Variants in TBC1D2B observed in about 807,000 individuals in gnomAD.
TBC1D2B encodes TBC1 domain family, member 2B.
In TBC1D2B, 64 loss-of-function variants were observed where a neutral mutation model predicts 100.8. The observed-to-expected ratio is 0.64, with a 90% CI of 0.52 to 0.78. The LOEUF (loss-of-function observed/expected upper bound fraction) is 0.78, where lower values mean the gene tolerates loss of function less well. Among genes scored for constraint, TBC1D2B ranks in the 30% least tolerant of loss-of-function variants. The probability of loss-of-function intolerance (pLI) is 0.00; values close to 1 mark genes in which losing one functional copy is unlikely to be tolerated. For missense variants in TBC1D2B, 1,052 were observed against 1,218.4 expected, an observed-to-expected ratio of 0.86 and a Z score of 2.03; for synonymous variants, 480 against 479.7, an observed-to-expected ratio of 1.00 and a Z score of -0.01.
At chr15:78,020,215 A>G (rs1269416586) in intron 6 of TBC1D2B, among the ~76,000 whole-genome samples, 2 of 152,176 alleles carry the variant, frequency 1.3e-5, no homozygotes, top group African/African-American at 4.8e-5. Flanking sequence ...TTAAGCAAAC[A>G]TATTACTAAA....
chr15:78,040,880 A>AAGAAAGAAAGAAAGAAAGAAAG (rs1275983230), intron 3 of TBC1D2B, among the ~76,000 whole-genome samples: 16 of 147,958 alleles, frequency 1.1e-4, no homozygotes, highest in Middle Eastern at 3.4e-3. Context: ...GAAAGAAAGA[A>AAGAAAGAAAGAAAGAAAGAAAG]AGAGAGAGAG....
At chr15:78,057,275 A>G (rs2073444991) in intron 1 of TBC1D2B, among the ~76,000 whole-genome samples, 2 of 152,142 alleles carry the variant, frequency 1.3e-5, no homozygotes, top group South Asian at 4.1e-4. Context: ...TTTGGTCAAT[A>G]AGATGGGCAA....
rs368713644 is a variant in TBC1D2B at position 78,030,997 on chromosome 15, A to C, written c.684-827T>G. Among the ~76,000 whole-genome samples the C allele has an allele frequency of 1.1e-4, 17 of 152,216 alleles. 1 individual carries two copies. Among genetic ancestry groups the C allele is most frequent in the East Asian group, 7.7e-4 (4 of 5,206 alleles). ...GTGAACAAAACACAGCAAGATTATT[A>C]TTCTTGTGGAATGTACATTTCAGCC... On this transcript the variant is annotated intron_variant, in intron 3 of 12. Coordinates refer to ENST00000300584, the MANE Select transcript of TBC1D2B (RefSeq NM_144572.2).
At chr15:78,039,513 C>A (rs937350514) in intron 3 of TBC1D2B, among the ~76,000 whole-genome samples, 1 of 152,114 alleles carries the variant, frequency 6.6e-6, no homozygotes, top group Non-Finnish European at 1.5e-5. Flanking sequence ...CACACCTTCC[C>A]GGCTAGCTCA....
chr15:77,999,316 G>A (rs1313918347), intron 12 of TBC1D2B: 14 of 455,004 alleles, frequency 3.1e-5, no homozygotes, highest in South Asian at 1.2e-4. Context: ...TGCTGCCGTC[G>A]GCTGCGTGGG....
chr15:78,043,285 C>A (rs537452654), intron 3 of TBC1D2B, among the ~76,000 whole-genome samples: 1 of 152,298 alleles, frequency 6.6e-6, no homozygotes, highest in Admixed American at 6.5e-5. Context: ...CCAGTGGGAC[C>A]CCTTATGGAG....
chr15:78,023,602 C>A (rs952962264), intron 6 of TBC1D2B, among the ~76,000 whole-genome samples: 3 of 152,190 alleles, frequency 2.0e-5, no homozygotes, highest in African/African-American at 7.2e-5. Flanking sequence ...GAGAAGGACA[C>A]GGGGAGGAAA....
intron 3 of TBC1D2B, among the ~76,000 whole-genome samples, chr15:78,038,626 C>CAA (rs2073004638): frequency 6.6e-6 from 1 of 152,206 alleles, no homozygotes; most frequent in African/African-American, 2.4e-5. Flanking sequence ...TGGGTCCCTG[C>CAA]AACAGGTGGA....
intron 10 of TBC1D2B, 153 bp from the exon 11 acceptor site, chr15:78,003,643 GACT>G: frequency 1.7e-6 from 1 of 600,012 alleles, no homozygotes; most frequent in Non-Finnish European, 3.0e-6. Context: ...CACGGAGCCA[GACT>G]ACTATGTTCC....
intron 10 of TBC1D2B, 151 bp downstream of exon 10, chr15:78,008,846 G>T: frequency 1.6e-6 from 1 of 621,424 alleles, no homozygotes; most frequent in Non-Finnish European, 2.9e-6. Context: ...ACTGGGGACA[G>T]CCTCTGAGAT....
At chr15:78,050,102 C>G (rs1325646996) in intron 2 of TBC1D2B, among the ~76,000 whole-genome samples, 1 of 152,194 alleles carries the variant, frequency 6.6e-6, no homozygotes, top group Non-Finnish European at 1.5e-5. Flanking sequence ...GGCCTGCATT[C>G]CACCTGATGG....
intron 8 of TBC1D2B, among the ~76,000 whole-genome samples, chr15:78,016,136 T>C (rs2072367274): frequency 6.6e-6 from 1 of 152,112 alleles, no homozygotes; most frequent in African/African-American, 2.4e-5. Context: ...CTTCCAGATT[T>C]AGTGCTTTCC....
rs771937793 is a variant in TBC1D2B at position 78,016,556 on chromosome 15, G to A, written c.1765C>T (p.His589Tyr). ...EQPEQAFVKPHLVSEYDIYGF... is the reference protein window; with the variant it reads ...EQPEQAFVKPYLVSEYDIYGF... ...CACTAGCACATTTACCTGACAAGAT[G>A]AGGTTTAACAAATGCTTGCTCCGGC... Residue 589 changes from histidine to tyrosine, a missense_variant, in exon 8 of 13, where the codon CAT becomes TAT. Physicochemically the swap from His to Tyr is moderately conservative, Grantham distance 83. This residue lies in a region of TBC1D2B where 373 missense variants were observed against 464.9 expected (regional missense o/e 0.80). Coordinates refer to ENST00000300584, the MANE Select transcript of TBC1D2B (RefSeq NM_144572.2). 1.2e-6 allele frequency: 2 copies of A among 1,612,262 alleles called. No homozygotes were observed. Among genetic ancestry groups the A allele is most frequent in the South Asian group, 1.1e-5 (1 of 90,804 alleles).
chr15:78,075,919 G>T (rs2073821422), intron 1 of TBC1D2B, among the ~76,000 whole-genome samples: 1 of 152,184 alleles, frequency 6.6e-6, no homozygotes. Flanking sequence ...CCAGGAGTTT[G>T]CCTAGTCTGC....
rs74595505 is a variant in TBC1D2B, at chr15:78,063,541, G to C, written c.361-9354C>G. Among the ~76,000 whole-genome samples the C allele has an allele frequency of 3.1e-3, 475 of 152,240 alleles. 5 individuals are homozygous for C. The highest frequency in any genetic ancestry group is 0.011 in the African/African-American group (450 of 41,536). ...ACAAATAAAACTATATCAGATGCTG[G>C]TCCCCACATCAGTAGAGAAGGTCCT... On this transcript the variant is annotated intron_variant, in intron 1 of 12. Coordinates refer to ENST00000300584, the MANE Select transcript of TBC1D2B (RefSeq NM_144572.2).
chr15:78,065,703 C>T (rs1445037390), intron 1 of TBC1D2B, among the ~76,000 whole-genome samples: 1 of 152,096 alleles, frequency 6.6e-6, no homozygotes, highest in Admixed American at 6.6e-5. Context: ...GGCTTCCACA[C>T]ACTATGCAAT....
intron 3 of TBC1D2B, among the ~76,000 whole-genome samples, chr15:78,037,562 G>A (rs2072975996): frequency 6.6e-6 from 1 of 151,936 alleles, no homozygotes; most frequent in Non-Finnish European, 1.5e-5. Context: ...TGACAGCGGG[G>A]AGGGACAGCC....
chr15:78,011,490 A>G (rs1046729336), intron 9 of TBC1D2B, among the ~76,000 whole-genome samples: 35 of 106,178 alleles, frequency 3.3e-4, no homozygotes, highest in African/African-American at 1.1e-3. Context: ...TTTTTTTTTG[A>G]GACAGGGTCT....
intron 8 of TBC1D2B, among the ~76,000 whole-genome samples, chr15:78,015,580 G>A (rs1203972560): frequency 6.6e-6 from 1 of 152,226 alleles, no homozygotes; most frequent in Non-Finnish European, 1.5e-5. Context: ...CCAGCGTACT[G>A]GTGGAGCTAC....
Sources: allele counts gnomAD v4.1 joint callset (sites outside exome capture counted in the v4.1 genomes callset), GRCh38; gene constraint gnomAD v4.1.1; regional missense constraint gnomAD v4.1.1; transcripts MANE v1.5; gene names NCBI Gene and HGNC (gene_info 2026-07-23, HGNC 2026-07-21).